The following DYNC2I1 variants were observed in gnomAD, a reference collection of about 807,000 sequenced individuals.
The protein encoded by DYNC2I1 is cytoplasmic dynein 2 intermediate chain 1.
In DYNC2I1, 89 loss-of-function variants were observed where a neutral mutation model predicts 133.4. The observed-to-expected ratio is 0.67, with a 90% CI of 0.56 to 0.80. The LOEUF (loss-of-function observed/expected upper bound fraction) is 0.80. Ranked by LOEUF, DYNC2I1 falls within the 30% of genes least tolerant of loss-of-function variation. The pLI, the probability that DYNC2I1 is intolerant of heterozygous loss-of-function variation, is 0.00. For synonymous variants in DYNC2I1, 504 were observed against 484.3 expected, an observed-to-expected ratio of 1.04 and a Z score of -0.54; for missense variants, 1,291 against 1,314.5, an observed-to-expected ratio of 0.98 and a Z score of 0.28.
chr7:158,884,505 T>C (rs773447454), intron 5 of DYNC2I1, 59 bp from the exon 6 acceptor site: 19 of 1,525,924 alleles, frequency 1.2e-5, no homozygotes, highest in Non-Finnish European at 1.7e-5. Flanking sequence ...TTACTAATTA[T>C]GCTTACTTCA....
chr7:158,945,027 G>C lies in DYNC2I1; in HGVS notation c.3003-554G>C, dbSNP rs186534051. 6.6e-6 allele frequency among the ~76,000 whole-genome samples: 1 copy of C among 152,136 alleles called. No homozygotes were observed. The highest frequency in any genetic ancestry group is 6.5e-5 in the Admixed American group (1 of 15,274). ...TAGAGCTGGGGCCTGGTCAGGGAGCGTGTGGTCATCAGAGTGAGGGAAGGG... is the reference window on the plus strand; with the variant it reads ...TAGAGCTGGGGCCTGGTCAGGGAGCCTGTGGTCATCAGAGTGAGGGAAGGG... On this transcript the variant is annotated intron_variant, in intron 24 of 24. Transcript: ENST00000407559. This position sits in a 1 kb window ranked among gnomAD's most constrained non-coding sequence, Gnocchi z 4.1.
chr7:158,928,500 C>A (rs1272415550), intron 20 of DYNC2I1, among the ~76,000 whole-genome samples: 1 of 152,226 alleles, frequency 6.6e-6, no homozygotes, highest in African/African-American at 2.4e-5. Flanking sequence ...GTGGCCCTTA[C>A]AAGTTTACTG....
At chr7:158,953,880 G>A (rs1320694984) in intron 4 of DYNC2I1, among the ~76,000 whole-genome samples, 1 of 152,008 alleles carries the variant, frequency 6.6e-6, no homozygotes, top group Non-Finnish European at 1.5e-5. Flanking sequence ...CTTGGGGAAG[G>A]TGGTGAATGG....
chr7:158,862,563 A>AAG (rs973553312), intron 1 of DYNC2I1, among the ~76,000 whole-genome samples: 1 of 151,050 alleles, frequency 6.6e-6, no homozygotes, highest in Non-Finnish European at 1.5e-5. Flanking sequence ...AAAAAAAAAA[A>AAG]AAAAAAAAAG....
intron 17 of DYNC2I1, among the ~76,000 whole-genome samples, chr7:158,925,295 T>A (rs541056188): frequency 2.3e-4 from 35 of 152,330 alleles, no homozygotes; most frequent in African/African-American, 8.4e-4. Context: ...CTTTCCTGAG[T>A]TCAATCCCAG....
the DYNC2I1 span, among the ~76,000 whole-genome samples, chr7:158,847,454 C>T: frequency 1.2e-4 from 18 of 151,976 alleles, no homozygotes; most frequent in South Asian, 3.5e-3. Context: ...AAAAAAGGCA[C>T]AGAATGAGAA....
At chr7:158,863,483 T>C (rs1842059369) in intron 1 of DYNC2I1, among the ~76,000 whole-genome samples, 1 of 151,698 alleles carries the variant, frequency 6.6e-6, no homozygotes, top group Non-Finnish European at 1.5e-5. Flanking sequence ...AATAATAATA[T>C]GGCTGTTGGT....
chr7:158,920,701 T>C lies in DYNC2I1; in HGVS notation c.1922-1676T>C, dbSNP rs116088232. Among the ~76,000 whole-genome samples the C allele has an allele frequency of 7.0e-3, 1,060 of 152,272 alleles. 9 individuals are homozygous for C. The highest frequency in any genetic ancestry group is 0.024 in the African/African-American group (1,003 of 41,552). On this transcript the variant is annotated intron_variant, in intron 15 of 24. Coordinates refer to ENST00000407559, the MANE Select transcript of DYNC2I1 (RefSeq NM_018051.5). The stretch of plus-strand genomic sequence containing the variant: ...GGAGGGTCTTGTTTGCTTAGTTTTG[T>C]GTTCTGGTAAAATGAATATTGAGAT...
At chr7:158,882,222 A>G (rs772233125) in intron 5 of DYNC2I1, among the ~76,000 whole-genome samples, 1 of 152,138 alleles carries the variant, frequency 6.6e-6, no homozygotes, top group Non-Finnish European at 1.5e-5. Context: ...CAAAACAAAA[A>G]TTACTGTTCT....
chr7:158,892,647 C>CA (rs1585057435), intron 8 of DYNC2I1, among the ~76,000 whole-genome samples: 1 of 151,660 alleles, frequency 6.6e-6, no homozygotes, highest in East Asian at 1.9e-4. Flanking sequence ...AAGTTTCCAT[C>CA]AAAATTGAGA....
intron 23 of DYNC2I1, among the ~76,000 whole-genome samples, chr7:158,940,112 T>C (rs1851191589): frequency 6.6e-6 from 1 of 152,162 alleles, no homozygotes; most frequent in Non-Finnish European, 1.5e-5. Context: ...CAAAGAAGCA[T>C]CAGAGTTAAA....
chr7:158,955,738 C>T (rs891648516), intron 4 of DYNC2I1, among the ~76,000 whole-genome samples: 17 of 152,342 alleles, frequency 1.1e-4, no homozygotes, highest in Admixed American at 2.0e-4. Context: ...ACTCCCCACA[C>T]GCTGCTTTTT....
intron 16 of DYNC2I1, 65 bp downstream of exon 16, chr7:158,922,614 G>A: frequency 1.3e-6 from 2 of 1,514,382 alleles, no homozygotes; most frequent in South Asian, 1.2e-5. Flanking sequence ...GCGTGAAGGT[G>A]CAGGTGGGGA....
At chr7:158,942,413 C>T (rs1408192858) in intron 24 of DYNC2I1, among the ~76,000 whole-genome samples, 1 of 152,252 alleles carries the variant, frequency 6.6e-6, no homozygotes, top group Non-Finnish European at 1.5e-5. Context: ...GGTGCAATCA[C>T]GGGCCTGTTC....
In DYNC2I1 at chr7:158,863,293, C is replaced by G. The variant is rs141243502; in HGVS notation, c.15+6543C>G. Among the ~76,000 whole-genome samples, 938 of 152,204 alleles carry G rather than the reference C, an allele frequency of 6.2e-3. 62 individuals are homozygous for G. The East Asian group carries it at 0.13, about 21-fold the overall frequency. The stretch of plus-strand genomic sequence containing the variant: ...CAGAGCGCTGATTGGTCCGTTTTTA[C>G]AGAGTGCTGATTGGTGCGTTTACAA... On this transcript the variant is annotated intron_variant, in intron 1 of 24. Coordinates refer to ENST00000407559, the MANE Select transcript of DYNC2I1 (RefSeq NM_018051.5).
intron 6 of DYNC2I1, among the ~76,000 whole-genome samples, chr7:158,886,729 A>C (rs1297225694): frequency 6.6e-6 from 1 of 151,936 alleles, no homozygotes; most frequent in African/African-American, 2.4e-5. Flanking sequence ...TCAGCCTCCC[A>C]AGTAGCTGAG....
At chr7:158,944,073 G>T (rs1851644571) in intron 24 of DYNC2I1, among the ~76,000 whole-genome samples, 1 of 152,198 alleles carries the variant, frequency 6.6e-6, no homozygotes, top group African/African-American at 2.4e-5. Context: ...ACGGATGTTT[G>T]GAAGGAAGGA....
chr7:158,914,099 G>C (rs758424380), intron 13 of DYNC2I1, 134 bp from the exon 14 acceptor site: 13 of 648,184 alleles, frequency 2.0e-5, no homozygotes, highest in African/African-American at 3.7e-5. Flanking sequence ...AGAGAGTATA[G>C]CTTGAAGTTT....
chr7:158,924,895 C>T (rs774515824), intron 17 of DYNC2I1, among the ~76,000 whole-genome samples: 1 of 152,088 alleles, frequency 6.6e-6, no homozygotes, highest in Non-Finnish European at 1.5e-5. Context: ...TCTGGGATTA[C>T]AGGTGCCCAC....
Sources: allele counts gnomAD v4.1 joint callset (sites outside exome capture counted in the v4.1 genomes callset), GRCh38; gene constraint gnomAD v4.1.1; non-coding constraint Gnocchi (gnomAD v3.1); transcripts MANE v1.5; gene names NCBI Gene and HGNC (gene_info 2026-07-23, HGNC 2026-07-21).